KLHDC1: variants seen among roughly 807,000 people sequenced by gnomAD.
The protein encoded by KLHDC1 is kelch domain-containing protein 1.
A neutral mutation model predicts 68.3 loss-of-function variants in KLHDC1; 53 were observed. That is an observed-to-expected ratio of 0.78 (90% CI 0.62 to 0.98). The LOEUF (loss-of-function observed/expected upper bound fraction) is 0.98. Among genes scored for constraint, KLHDC1 ranks in the 50% least tolerant of loss-of-function variants. The pLI, the probability that KLHDC1 is intolerant of heterozygous loss-of-function variation, is 0.00. For missense variants in KLHDC1, 470 were observed against 492.3 expected, an observed-to-expected ratio of 0.95 and a Z score of 0.43; for synonymous variants, 148 against 159.0, an observed-to-expected ratio of 0.93 and a Z score of 0.52.
At chr14:49,709,594 T>C (rs1269950586) in intron 2 of KLHDC1, 115 bp from the exon 3 acceptor site, 2 of 539,922 alleles carry the variant, frequency 3.7e-6, no homozygotes, top group Non-Finnish European at 6.6e-6. Context: ...ACCATTACAT[T>C]GTAACTGTAA....
chr14:49,732,864 C>G, intron 9 of KLHDC1, 48 bp downstream of exon 9: 1 of 949,592 alleles, frequency 1.1e-6, no homozygotes, highest in Non-Finnish European at 1.7e-6. Flanking sequence ...ATTCTTTTTT[C>G]TTAATTGTAT....
intron 10 of KLHDC1, among the ~76,000 whole-genome samples, chr14:49,734,874 A>G (rs550360921): frequency 1.3e-5 from 2 of 152,250 alleles, no homozygotes; most frequent in Admixed American, 1.3e-4. Flanking sequence ...ATACTTGCAT[A>G]TTTGAAAATG....
At chr14:49,728,362 A>G (rs1199573652) in intron 6 of KLHDC1, among the ~76,000 whole-genome samples, 1 of 152,210 alleles carries the variant, frequency 6.6e-6, no homozygotes, top group Non-Finnish European at 1.5e-5. Context: ...AAGGTCTGCT[A>G]TATTTATTCA....
chr14:49,729,605 T>G (rs1888754497), intron 8 of KLHDC1, 57 bp downstream of exon 8: 1 of 1,108,146 alleles, frequency 9.0e-7, no homozygotes, highest in Non-Finnish European at 1.4e-6. Context: ...TGTCTGTATG[T>G]CACCATAATC....
chr14:49,748,230 G>GA (rs1395432718), intron 12 of KLHDC1, among the ~76,000 whole-genome samples: 1 of 152,186 alleles, frequency 6.6e-6, no homozygotes, highest in African/African-American at 2.4e-5. Flanking sequence ...AGTGACTGGG[G>GA]GAAAATGAGC....
At chr14:49,693,474 G>T (rs1415196242) in intron 1 of KLHDC1, among the ~76,000 whole-genome samples, 184 bp downstream of exon 1, 1 of 151,772 alleles carries the variant, frequency 6.6e-6, no homozygotes, top group Non-Finnish European at 1.5e-5. Context: ...ACGTCGTCCC[G>T]CCGTTGCTTC....
intron 1 of KLHDC1, among the ~76,000 whole-genome samples, chr14:49,708,050 G>GTGCTA (rs1034523398): frequency 6.1e-5 from 9 of 147,658 alleles, no homozygotes; most frequent in African/African-American, 2.0e-4. Flanking sequence ...AATTCTTAAA[G>GTGCTA]TGCTATTTTA....
chr14:49,752,126 T>C lies in KLHDC1; in HGVS notation c.*354T>C, dbSNP rs1251256076. 6.5e-6 allele frequency: 1 copy of C among 153,492 alleles called. No homozygotes were observed. The highest frequency in any genetic ancestry group is 2.4e-5 in the African/African-American group (1 of 41,502). The allele number at this position is 153,492 out of a possible 1,614,324, so 9.5% of individuals were successfully genotyped here. On this transcript the variant is annotated 3_prime_UTR_variant, in exon 13 of 13. Coordinates refer to ENST00000359332, the MANE Select transcript of KLHDC1 (RefSeq NM_172193.3). ...GAAATCTGCAACATAATTTTATAAA[T>C]ATATAAATACATGTATGTATGTCAA...
chr14:49,698,628 G>C (rs1168333663), intron 1 of KLHDC1, among the ~76,000 whole-genome samples: 1 of 151,730 alleles, frequency 6.6e-6, no homozygotes, highest in African/African-American at 2.4e-5. Context: ...CGATTCTCCT[G>C]CCTCAGCCTC....
At chr14:49,751,387 A>G (rs1268592073) in intron 12 of KLHDC1, among the ~76,000 whole-genome samples, 199 bp from the exon 13 acceptor site, 2 of 152,144 alleles carry the variant, frequency 1.3e-5, no homozygotes, top group African/African-American at 2.4e-5. Context: ...ATTATTATGC[A>G]TTGCCTGTCT....
chr14:49,713,844 A>ATTTTTT (rs1888293520), intron 4 of KLHDC1, among the ~76,000 whole-genome samples: 2 of 35,600 alleles, frequency 5.6e-5, no homozygotes, highest in Admixed American at 6.0e-4. Context: ...ATATATATAT[A>ATTTTTT]TATATATTTT....
intron 4 of KLHDC1, among the ~76,000 whole-genome samples, chr14:49,713,837 TATATA>T (rs1352281112): frequency 0.052 from 267 of 5,128 alleles, 48 homozygotes; most frequent in Non-Finnish European, 0.11. Context: ...TATATATATA[TATATA>T]TATATATATT....
chr14:49,710,666 C>T (rs1277724868), intron 4 of KLHDC1, among the ~76,000 whole-genome samples: 1 of 152,166 alleles, frequency 6.6e-6, no homozygotes, highest in Non-Finnish European at 1.5e-5. Context: ...TTCCCCTACT[C>T]TGAGCATCAA....
At chr14:49,729,905 A>G (rs889839165) in intron 8 of KLHDC1, among the ~76,000 whole-genome samples, 6 of 152,242 alleles carry the variant, frequency 3.9e-5, no homozygotes, top group Non-Finnish European at 7.3e-5. Flanking sequence ...ATTTAACAAT[A>G]GAACAAATAT....
At chr14:49,748,281 T>A (rs149660532) in intron 12 of KLHDC1, among the ~76,000 whole-genome samples, 1 of 152,298 alleles carries the variant, frequency 6.6e-6, no homozygotes, top group East Asian at 1.9e-4. Context: ...TGAAATGATA[T>A]AACCTGGAAG....
In KLHDC1 at chr14:49,729,510, G is replaced by T. The variant is rs753160913; in HGVS notation, c.672G>T (p.Leu224Phe). ...GRVLQTRMND[L>F]HYLNLDTWTW... ...TTTAGCAAACTAGGATGAATGATTT[G>T]CACTATCTAAACCTAGACACCTGGA... Residue 224 changes from leucine (L) to phenylalanine (F), a missense_variant, in exon 8 of 13, where the codon TTG becomes TTT. By Grantham distance (22) the Leu-to-Phe change is conservative. Coordinates refer to ENST00000359332, the MANE Select transcript of KLHDC1 (RefSeq NM_172193.3). The T allele has an allele frequency of 1.2e-6, 2 of 1,610,638 alleles. No individual in the cohort carries two copies. The highest frequency in any genetic ancestry group is 1.7e-6 in the Non-Finnish European group (2 of 1,177,198).
intron 1 of KLHDC1, chr14:49,700,015 T>G: frequency 5.5e-6 from 2 of 362,400 alleles, no homozygotes; most frequent in South Asian, 4.0e-5. Flanking sequence ...ATTGATAATA[T>G]GTTTTGCTGT....
chr14:49,738,132 A>T (rs565942940), intron 10 of KLHDC1, among the ~76,000 whole-genome samples: 1 of 150,776 alleles, frequency 6.6e-6, no homozygotes, highest in East Asian at 2.0e-4. Context: ...GGTTCAAGCG[A>T]TCCTCCTGCC....
intron 10 of KLHDC1, among the ~76,000 whole-genome samples, chr14:49,736,295 G>A (rs979560256): frequency 6.6e-6 from 1 of 152,112 alleles, no homozygotes; most frequent in Non-Finnish European, 1.5e-5. Flanking sequence ...TAAATAATAT[G>A]CTTTATTAGA....
Sources: allele counts gnomAD v4.1 joint callset (sites outside exome capture counted in the v4.1 genomes callset), GRCh38; gene constraint gnomAD v4.1.1; transcripts MANE v1.5; gene names NCBI Gene and HGNC (gene_info 2026-07-23, HGNC 2026-07-21).